Variants in PIK3R4 observed in about 807,000 individuals in gnomAD.
PIK3R4 encodes phosphoinositide-3-kinase regulatory subunit 4.
PIK3R4 carries 46 observed loss-of-function variants against 136.5 expected under a neutral mutation model. That is an observed-to-expected ratio of 0.34 (90% CI 0.27 to 0.43). The LOEUF is 0.43. Among genes scored for constraint, PIK3R4 ranks in the 20% least tolerant of loss-of-function variants. The probability of loss-of-function intolerance (pLI) is 1.00; values close to 1 mark genes in which losing one functional copy is unlikely to be tolerated. For missense variants in PIK3R4, 1,331 were observed against 1,649.5 expected (o/e 0.81, Z 3.35); for synonymous variants, 557 against 566.7 (o/e 0.98, Z 0.24).
At position 130,745,048 on chromosome 3, in the gene PIK3R4, A is replaced by G; in HGVS notation, c.171T>C (p.Ile57=). The G allele has an allele frequency of 6.2e-7, 1 of 1,613,194 alleles. No homozygotes were observed. Residue 57 remains isoleucine, a synonymous_variant, in exon 2 of 20, where the codon ATT becomes ATC. Transcript: ENST00000356763. ...EGLVVVKVFA[I]QDPTLPLTSY... Reference sequence around the variant, plus strand: ...TGGTTAAAGGCAATGTGGGATCCTGAATTGCAAAAACCTTCACAACGACCA... The same window carrying G: ...TGGTTAAAGGCAATGTGGGATCCTGGATTGCAAAAACCTTCACAACGACCA...
At position 130,713,811 on chromosome 3, in the gene PIK3R4, C is replaced by T. The variant is rs184561326; in HGVS notation, c.2331+2585G>A. Among the ~76,000 whole-genome samples, 14 of 152,122 alleles carry T rather than the reference C, an allele frequency of 9.2e-5. No individual in the cohort carries two copies. In the East Asian group the frequency reaches 2.5e-3, roughly 27 times the overall value. On this transcript the variant is annotated intron_variant, in intron 9 of 19. Coordinates refer to ENST00000356763, the MANE Select transcript of PIK3R4 (RefSeq NM_014602.3). The stretch of plus-strand genomic sequence containing the variant: ...CCTCAGCCTCCCAAGTAACTGGGAC[C>T]ACAGGTGCCCACCACCATGCCCAGC...
At chr3:130,680,086 T>C (rs1247415682) in intron 19 of PIK3R4, among the ~76,000 whole-genome samples, 1 of 138,124 alleles carries the variant, frequency 7.2e-6, no homozygotes, top group African/African-American at 2.7e-5. Context: ...AAAAAAGAGG[T>C]ATAAATGACC....
chr3:130,680,870 A>T, intron 18 of PIK3R4, 107 bp downstream of exon 18: 1 of 760,862 alleles, frequency 1.3e-6, no homozygotes. Context: ...CAAATAAAGT[A>T]TTAACAGCTG....
rs1224515616 is a variant in PIK3R4, at chr3:130,733,875, G to T, written c.1123C>A (p.Leu375Met). The T allele has an allele frequency of 1.2e-6, 2 of 1,614,126 alleles. No homozygotes were observed. The highest frequency in any genetic ancestry group is 3.3e-5 in the Admixed American group (2 of 60,020). ...KAEGEPKENG[L>M]VILVSVITSC... ...GTTATAACAGATACCAAGATAACCA[G>T]CCCATTTTCCTTAGGCTCTCCTTCG... Residue 375 changes from leucine (L) to methionine (M), a missense_variant, in exon 4 of 20, where the codon CTG becomes ATG. Leu to Met is a conservative substitution (Grantham distance 15). This residue lies in a region of PIK3R4 where 1,180 missense variants were observed against 1,407.0 expected (regional missense o/e 0.84). Transcript: ENST00000356763.
intron 3 of PIK3R4, among the ~76,000 whole-genome samples, chr3:130,734,697 G>A (rs1251307570): frequency 6.6e-6 from 1 of 151,926 alleles, no homozygotes; most frequent in Non-Finnish European, 1.5e-5. Flanking sequence ...GTTAAATTCT[G>A]CAAACACTAG....
Position 130,744,699 on chromosome 3 carries a change from A to C in PIK3R4, c.520T>G (p.Tyr174Asp). ...LTDFASFKPT[Y>D]LPEDNPADFN... ...TCTGCCGGGTTGTCTTCTGGAAGAT[A>C]AGTGGGCTTAAAACTGGCAAAATCA... The change falls in exon 2 of 20, where the codon TAT becomes GAT. Residue 174 changes from tyrosine to aspartate, a missense_variant. This residue lies in a region of PIK3R4 where 151 missense variants were observed against 242.5 expected (regional missense o/e 0.62). Coordinates refer to ENST00000356763, the MANE Select transcript of PIK3R4 (RefSeq NM_014602.3). 6.2e-7 allele frequency: 1 copy of C among 1,614,254 alleles called. No individual in the cohort carries two copies. The highest frequency in any genetic ancestry group is 8.5e-7 in the Non-Finnish European group (1 of 1,180,052).
At chr3:130,737,950 T>C (rs892218184) in intron 2 of PIK3R4, among the ~76,000 whole-genome samples, 7 of 152,210 alleles carry the variant, frequency 4.6e-5, no homozygotes, top group African/African-American at 1.7e-4. Context: ...AGCTGAACCA[T>C]TGCAAAGTGG....
intron 13 of PIK3R4, among the ~76,000 whole-genome samples, chr3:130,699,819 C>G (rs141710011): frequency 3.1e-4 from 47 of 152,104 alleles, no homozygotes; most frequent in African/African-American, 1.1e-3. Flanking sequence ...TAATTTTTTG[C>G]TATTATAAAG....
At chr3:130,681,678 G>A in intron 16 of PIK3R4, 87 bp from the exon 17 acceptor site, 1 of 741,758 alleles carries the variant, frequency 1.3e-6, no homozygotes, top group Non-Finnish European at 2.3e-6. Flanking sequence ...CTGAGAGAAA[G>A]AAAGAAAAAT....
chr3:130,718,467 A>C lies in PIK3R4; in HGVS notation c.2049T>G (p.Ala683=), dbSNP rs372787185. ...AGACATCAGCTGTACTTATTTGACGAGCTACCACTGTGATAAATCCCACGG... is the reference window on the plus strand; with the variant it reads ...AGACATCAGCTGTACTTATTTGACGCGCTACCACTGTGATAAATCCCACGG... The part of the protein sequence containing the change: ...YGAVGFITVV[A]RQISTADVYC... Residue 683 remains alanine, a synonymous_variant, in exon 8 of 20, where the codon GCT becomes GCG. Transcript: ENST00000356763. 3.8e-5 allele frequency: 62 copies of C among 1,613,784 alleles called. No individual in the cohort carries two copies. Among genetic ancestry groups the C allele is most frequent in the Non-Finnish European group, 4.9e-5 (58 of 1,179,798 alleles).
At chr3:130,701,852 G>C (rs2066576638) in intron 13 of PIK3R4, among the ~76,000 whole-genome samples, 1 of 151,840 alleles carries the variant, frequency 6.6e-6, no homozygotes, top group South Asian at 2.1e-4. Flanking sequence ...AAAAAAATGG[G>C]GCCAGGTAGT....
intron 13 of PIK3R4, among the ~76,000 whole-genome samples, chr3:130,697,063 C>CTTTTTTTTTTTTTT (rs60432343): frequency 1.4e-5 from 1 of 73,024 alleles, no homozygotes. Flanking sequence ...GCCACTCCAG[C>CTTTTTTTTTTTTTT]TTTTTTTTTT....
At chr3:130,743,919 C>A (rs1286132284) in intron 2 of PIK3R4, among the ~76,000 whole-genome samples, 1 of 152,228 alleles carries the variant, frequency 6.6e-6, no homozygotes. Context: ...ATATTCTGGT[C>A]TTTAAGCTTC....
chr3:130,721,152 G>A (rs1043692205), intron 7 of PIK3R4, among the ~76,000 whole-genome samples: 2 of 151,558 alleles, frequency 1.3e-5, no homozygotes, highest in African/African-American at 4.8e-5. Flanking sequence ...TGGCTAACAC[G>A]GTGAAACCCC....
intron 2 of PIK3R4, among the ~76,000 whole-genome samples, chr3:130,739,675 T>G (rs902527764): frequency 6.6e-6 from 1 of 152,090 alleles, no homozygotes; most frequent in African/African-American, 2.4e-5. Flanking sequence ...CCAAGCATAT[T>G]TGCACATCTT....
At chr3:130,691,809 CTTG>C (rs2066520649) in intron 13 of PIK3R4, among the ~76,000 whole-genome samples, 1 of 149,054 alleles carries the variant, frequency 6.7e-6, no homozygotes, top group South Asian at 2.1e-4. Flanking sequence ...TACATTCACA[CTTG>C]TTTTTTTTAA....
Position 130,744,334 on chromosome 3 carries a change from A to G in PIK3R4, c.733+152T>C, listed in dbSNP as rs936480501. The stretch of plus-strand genomic sequence containing the variant: ...TTTCCTAGGCATTTAAACATATCCA[A>G]TGCAGGAATGCTGCCTCTAACTGAA... On this transcript the variant is annotated intron_variant, in intron 2 of 19. Transcript: ENST00000356763. 8.0e-5 allele frequency: 62 copies of G among 772,222 alleles called. No homozygotes were observed. In the Middle Eastern group the frequency reaches 1.9e-3, roughly 24 times the overall value. The allele number at this position is 772,222 out of a possible 1,614,324, so 47.8% of individuals were successfully genotyped here. A position where few individuals can be genotyped will look rare whatever the true frequency, so the allele number is the denominator to read the frequency against.
At position 130,716,525 on chromosome 3, in the gene PIK3R4, C is replaced by T; in HGVS notation, c.2202G>A (p.Arg734=). ...TGAACAAGCTAGTAATATCTTTAGA[C>T]CTCAAAGCATAATCAAATATAGAAC... is the stretch of plus-strand genomic sequence containing the variant. The part of the protein sequence containing the change: ...VSRSIFDYAL[R]SKDITSLFRH... The change falls in exon 9 of 20, where the codon AGG becomes AGA. Residue 734 remains arginine, a synonymous_variant. Transcript: ENST00000356763. The T allele has an allele frequency of 1.2e-6, 2 of 1,613,832 alleles. No homozygotes were observed. Among genetic ancestry groups the T allele is most frequent in the Non-Finnish European group, 1.7e-6 (2 of 1,179,756 alleles).
intron 16 of PIK3R4, among the ~76,000 whole-genome samples, chr3:130,681,973 G>A (rs1559818623): frequency 6.6e-6 from 1 of 152,088 alleles, no homozygotes; most frequent in Non-Finnish European, 1.5e-5. Flanking sequence ...TAGGAGAAAG[G>A]GCAGTAATGC....
Sources: allele counts gnomAD v4.1 joint callset (sites outside exome capture counted in the v4.1 genomes callset), GRCh38; gene constraint gnomAD v4.1.1; regional missense constraint gnomAD v4.1.1; transcripts MANE v1.5; gene names NCBI Gene and HGNC (gene_info 2026-07-23, HGNC 2026-07-21).